GRID2: variants seen among roughly 807,000 people sequenced by gnomAD.
GRID2 encodes the protein glutamate ionotropic receptor delta type subunit 2, also known as glutamate receptor ionotropic, delta-2.
In GRID2, 33 loss-of-function variants were observed where a neutral mutation model predicts 114.8. That is an observed-to-expected ratio of 0.29 (90% CI 0.22 to 0.38). The LOEUF (loss-of-function observed/expected upper bound fraction) is 0.38. Among genes scored for constraint, GRID2 ranks in the 10% least tolerant of loss-of-function variants. The pLI, the probability that GRID2 is intolerant of heterozygous loss-of-function variation, is 1.00. For synonymous variants in GRID2, 505 were observed against 449.9 expected (o/e 1.12, Z -1.55); for missense variants, 1,184 against 1,257.7 (o/e 0.94, Z 0.89).
At chr4:92,820,642 G>A (rs183951683) in intron 2 of GRID2, among the ~76,000 whole-genome samples, 21 of 152,158 alleles carry the variant, frequency 1.4e-4, no homozygotes, top group East Asian at 1.4e-3. Context: ...TGGAAATAGC[G>A]GGTGGCATAA....
intron 1 of GRID2, among the ~76,000 whole-genome samples, chr4:92,309,600 G>C (rs1264540415): frequency 6.6e-6 from 1 of 151,580 alleles, no homozygotes; most frequent in Non-Finnish European, 1.5e-5. Flanking sequence ...AATGAGGTTT[G>C]TGATGCTGTA....
chr4:92,527,926 T>G (rs537126661), intron 1 of GRID2, among the ~76,000 whole-genome samples: 1 of 152,222 alleles, frequency 6.6e-6, no homozygotes, highest in African/African-American at 2.4e-5. Context: ...GGGTCCAGGT[T>G]ACAGTGCTCC....
intron 13 of GRID2, among the ~76,000 whole-genome samples, chr4:93,575,611 T>C (rs1360710594): frequency 6.6e-6 from 1 of 152,120 alleles, no homozygotes; most frequent in Admixed American, 6.6e-5. Flanking sequence ...CTTCACATGA[T>C]TGTTATAAAA....
intron 1 of GRID2, among the ~76,000 whole-genome samples, chr4:92,542,305 A>G (rs1211044720): frequency 6.6e-6 from 1 of 152,146 alleles, no homozygotes; most frequent in Non-Finnish European, 1.5e-5. Context: ...GGAAAAAGAA[A>G]AAAAAAGATT....
At chr4:92,439,993 T>C (rs2110358427) in intron 1 of GRID2, among the ~76,000 whole-genome samples, 1 of 145,636 alleles carries the variant, frequency 6.9e-6, no homozygotes, top group South Asian at 2.3e-4. Context: ...GGGGGCACAG[T>C]CTAAGTTGGT....
At chr4:93,707,674 TG>T (rs1028093963) in intron 14 of GRID2, among the ~76,000 whole-genome samples, 1 of 151,944 alleles carries the variant, frequency 6.6e-6, no homozygotes, top group Non-Finnish European at 1.5e-5. Flanking sequence ...TTGTATTTTT[TG>T]TTCCAATTTC....
chr4:93,208,394 A>G (rs1319524317), intron 5 of GRID2, among the ~76,000 whole-genome samples: 1 of 151,890 alleles, frequency 6.6e-6, no homozygotes, highest in Admixed American at 6.6e-5. Flanking sequence ...GCATGTTCAT[A>G]ATAAAAGTTA....
At chr4:92,931,557 C>G (rs549663658) in intron 2 of GRID2, among the ~76,000 whole-genome samples, 1 of 150,334 alleles carries the variant, frequency 6.7e-6, no homozygotes, top group Non-Finnish European at 1.5e-5. Context: ...TTGCAGATTA[C>G]GTAAGTGTGT....
chr4:92,944,889 T>A (rs897311335), intron 2 of GRID2, among the ~76,000 whole-genome samples: 6 of 152,152 alleles, frequency 3.9e-5, no homozygotes, highest in African/African-American at 1.4e-4. Context: ...ATGTATAGCT[T>A]CTAATGTTCT....
chr4:92,934,691 T>C (rs565263312), intron 2 of GRID2, among the ~76,000 whole-genome samples: 50 of 146,518 alleles, frequency 3.4e-4, no homozygotes, highest in African/African-American at 1.2e-3. Flanking sequence ...AAAACAGAGA[T>C]ATAGATCAAC....
intron 13 of GRID2, among the ~76,000 whole-genome samples, chr4:93,594,501 CTT>C (rs1738817078): frequency 6.6e-6 from 1 of 152,088 alleles, no homozygotes; most frequent in African/African-American, 2.4e-5. Context: ...TTACTGCTGT[CTT>C]TTTGTTTGTC....
At chr4:93,394,657 T>A (rs1295660297) in intron 8 of GRID2, among the ~76,000 whole-genome samples, 1 of 152,002 alleles carries the variant, frequency 6.6e-6, no homozygotes, top group Non-Finnish European at 1.5e-5. Flanking sequence ...CTGAATATGA[T>A]GAAAGATCTG....
At chr4:92,612,515 G>C (rs1250842060) in intron 2 of GRID2, among the ~76,000 whole-genome samples, 2 of 151,394 alleles carry the variant, frequency 1.3e-5, no homozygotes. Flanking sequence ...TAACAATTCT[G>C]TTGAATGTAT....
intron 1 of GRID2, among the ~76,000 whole-genome samples, chr4:92,325,449 T>A (rs1302201918): frequency 6.6e-6 from 1 of 151,892 alleles, no homozygotes; most frequent in Non-Finnish European, 1.5e-5. Flanking sequence ...GTAATAGACT[T>A]TATTTAAATA....
Position 93,515,248 on chromosome 4 carries a change from T to C in GRID2, c.2030T>C (p.Ile677Thr). Residue 677 changes from isoleucine (I) to threonine (T), a missense_variant, in exon 13 of 16, where the codon ATC (isoleucine) becomes ACC (threonine). Ile to Thr is a moderately conservative substitution (Grantham distance 89). Transcript: ENST00000282020. The stretch of plus-strand genomic sequence containing the variant: ...CAGGACCTTTCCAAGCAAACAGAAA[T>C]CCCTTATGGCACAGTCCTAGACTCT... ...SLQDLSKQTE[I>T]PYGTVLDSAV... 2 of 1,602,532 alleles carry C rather than the reference T, an allele frequency of 1.2e-6. No homozygotes were observed. Among genetic ancestry groups the C allele is most frequent in the Non-Finnish European group, 1.7e-6 (2 of 1,173,070 alleles).
intron 5 of GRID2, among the ~76,000 whole-genome samples, chr4:93,209,236 C>T (rs1743169939): frequency 1.3e-5 from 2 of 151,912 alleles, no homozygotes; most frequent in Admixed American, 6.6e-5. Context: ...TTTCCTGTTC[C>T]TTTTCTTCTT....
chr4:92,623,317 A>T (rs1273799367), intron 2 of GRID2, among the ~76,000 whole-genome samples: 1 of 151,370 alleles, frequency 6.6e-6, no homozygotes, highest in Non-Finnish European at 1.5e-5. Flanking sequence ...TATATATATG[A>T]CCTGCTTATC....
At chr4:93,185,910 T>C (rs1449156757) in intron 4 of GRID2, among the ~76,000 whole-genome samples, 2 of 148,432 alleles carry the variant, frequency 1.3e-5, no homozygotes, top group Non-Finnish European at 3.0e-5. Flanking sequence ...CCCCACCCCA[T>C]GACAGGCCCC....
chr4:93,710,185 T>G (rs895758294), intron 14 of GRID2, among the ~76,000 whole-genome samples: 2 of 152,344 alleles, frequency 1.3e-5, no homozygotes, highest in East Asian at 3.9e-4. Context: ...CTTCATGATC[T>G]GGGCTTGTTT....
Sources: allele counts gnomAD v4.1 joint callset (sites outside exome capture counted in the v4.1 genomes callset), GRCh38; gene constraint gnomAD v4.1.1; transcripts MANE v1.5; gene names NCBI Gene and HGNC (gene_info 2026-07-23, HGNC 2026-07-21).